Variants in COMMD1 observed in about 807,000 individuals in gnomAD.
COMMD1 encodes copper metabolism domain containing 1.
COMMD1 carries 10 observed loss-of-function variants against 17.2 expected under a neutral mutation model. That is an observed-to-expected ratio of 0.58 (90% confidence interval 0.36 to 0.99). The LOEUF (loss-of-function observed/expected upper bound fraction) is 0.99, where lower values mean the gene tolerates loss of function less well. Among genes scored for constraint, COMMD1 ranks in the 50% least tolerant of loss-of-function variants. The pLI is 0.01. For missense variants in COMMD1, 270 were observed against 231.8 expected, an observed-to-expected ratio of 1.17 and a Z score of -1.07; for synonymous variants, 97 against 91.6, an observed-to-expected ratio of 1.06 and a Z score of -0.34.
chr2:61,946,218 G>T (rs1224052861), intron 1 of COMMD1, among the ~76,000 whole-genome samples: 1 of 152,114 alleles, frequency 6.6e-6, no homozygotes, highest in Non-Finnish European at 1.5e-5. Flanking sequence ...AAATTAATCA[G>T]AGAGAAGTTC....
intron 2 of COMMD1, among the ~76,000 whole-genome samples, chr2:62,062,635 G>T (rs191367198): frequency 6.6e-6 from 1 of 151,830 alleles, no homozygotes. Flanking sequence ...TGAGACGAGT[G>T]AAAAAATAAA....
intron 2 of COMMD1, among the ~76,000 whole-genome samples, chr2:62,075,967 C>G (rs1048878079): frequency 6.6e-6 from 1 of 152,174 alleles, no homozygotes; most frequent in African/African-American, 2.4e-5. Flanking sequence ...GTTCCTAGAC[C>G]TTTTTCTCTG....
chr2:61,987,739 G>A (rs1672142454), intron 1 of COMMD1, among the ~76,000 whole-genome samples: 1 of 152,158 alleles, frequency 6.6e-6, no homozygotes, highest in African/African-American at 2.4e-5. Flanking sequence ...AGCCAGTCAG[G>A]CTTGTGACCT....
At chr2:62,000,299 G>T (rs1213409555) in intron 1 of COMMD1, among the ~76,000 whole-genome samples, 3 of 146,392 alleles carry the variant, frequency 2.0e-5, no homozygotes, top group African/African-American at 7.6e-5. Context: ...TTGAGACAGG[G>T]TCTCTCTCTG....
Position 61,963,438 on chromosome 2 carries a change from C to G in COMMD1, c.181-37263C>G, listed in dbSNP as rs145733010. ...ATGACACCATCTCGGCTCACTGCAA[C>G]CTGGGCCACCCCGGTTCAAACAATT... On this transcript the variant is annotated intron_variant, in intron 1 of 2. Transcript: ENST00000311832. Among the ~76,000 whole-genome samples, 1,189 of 152,104 alleles carry G rather than the reference C, an allele frequency of 7.8e-3. 19 individuals are homozygous for G. The highest frequency in any genetic ancestry group is 0.026 in the African/African-American group (1,077 of 41,496).
At position 62,067,603 on chromosome 2, in the gene COMMD1, C is replaced by T. The variant is rs150606928; in HGVS notation, c.462+66621C>T. Among the ~76,000 whole-genome samples the T allele has an allele frequency of 3.4e-3, 520 of 152,250 alleles. 1 individual carries two copies. The highest frequency in any genetic ancestry group is 5.2e-3 in the Non-Finnish European group (352 of 68,014). On this transcript the variant is annotated intron_variant, in intron 2 of 2. Transcript: ENST00000311832. ...TGAAGACACAGAGACCCAGGGAAAACTATTTTTTATGCCTAGTTTTGATGA... is the reference window on the plus strand; with the variant it reads ...TGAAGACACAGAGACCCAGGGAAAATTATTTTTTATGCCTAGTTTTGATGA...
chr2:62,084,127 G>A (rs1671596291), intron 2 of COMMD1, among the ~76,000 whole-genome samples: 1 of 152,100 alleles, frequency 6.6e-6, no homozygotes, highest in South Asian at 2.1e-4. Context: ...AGTCAGGGGA[G>A]CACATGGCTT....
intron 2 of COMMD1, among the ~76,000 whole-genome samples, chr2:62,041,596 G>T (rs1048646290): frequency 6.6e-6 from 1 of 152,082 alleles, no homozygotes; most frequent in Non-Finnish European, 1.5e-5. Context: ...TCACCATGTT[G>T]CCCAAGCTGG....
At chr2:61,927,452 G>GCAT (rs1670355693) in intron 1 of COMMD1, among the ~76,000 whole-genome samples, 1 of 152,010 alleles carries the variant, frequency 6.6e-6, no homozygotes, top group Non-Finnish European at 1.5e-5. Flanking sequence ...GAGTGCAGTG[G>GCAT]CGCGATGTCA....
intron 1 of COMMD1, among the ~76,000 whole-genome samples, chr2:61,945,978 A>G (rs996261641): frequency 1.3e-5 from 2 of 152,218 alleles, no homozygotes; most frequent in African/African-American, 4.8e-5. Flanking sequence ...TGTTGATGCT[A>G]GAGGGGTGTG....
chr2:62,009,302 A>G (rs1300744379), intron 2 of COMMD1, among the ~76,000 whole-genome samples: 1 of 152,126 alleles, frequency 6.6e-6, no homozygotes, highest in Non-Finnish European at 1.5e-5. Context: ...TAAAGTTTAT[A>G]AGAGAAAAAA....
chr2:61,905,678 C>G lies in COMMD1; in HGVS notation c.-1C>G. On this transcript the variant is annotated 5_prime_UTR_variant, in exon 1 of 3. Transcript: ENST00000311832. ...GTTGCGGGGCGGGGCCTTCGCAGAG[C>G]ATGGCGGCGGGCGAGCTTGAGGGTG... The G allele has an allele frequency of 6.4e-7, 1 of 1,555,956 alleles. No individual in the cohort carries two copies. The highest frequency in any genetic ancestry group is 8.7e-7 in the Non-Finnish European group (1 of 1,147,924).
chr2:61,995,750 C>T (rs1668739297), intron 1 of COMMD1, among the ~76,000 whole-genome samples: 1 of 152,178 alleles, frequency 6.6e-6, no homozygotes, highest in Non-Finnish European at 1.5e-5. Flanking sequence ...TCAGAAAAAT[C>T]AGTTGACTGC....
intron 1 of COMMD1, among the ~76,000 whole-genome samples, chr2:61,984,268 C>T (rs1009861900): frequency 1.3e-5 from 2 of 152,210 alleles, no homozygotes; most frequent in African/African-American, 4.8e-5. Flanking sequence ...TCAGGTGATC[C>T]ACCTGCCTTG....
chr2:61,968,403 G>A (rs1671560678), intron 1 of COMMD1, among the ~76,000 whole-genome samples: 1 of 152,110 alleles, frequency 6.6e-6, no homozygotes, highest in Non-Finnish European at 1.5e-5. Flanking sequence ...GGAAATTGAA[G>A]CCCAGAGAAT....
At chr2:62,035,761 AAAAAG>A (rs1389880668) in intron 2 of COMMD1, among the ~76,000 whole-genome samples, 1 of 148,934 alleles carries the variant, frequency 6.7e-6, no homozygotes, top group African/African-American at 2.5e-5. Flanking sequence ...AAAAAAAAAA[AAAAAG>A]CAGGGCTGGC....
At chr2:62,108,156 G>A (rs1158819440) in intron 2 of COMMD1, among the ~76,000 whole-genome samples, 3 of 152,010 alleles carry the variant, frequency 2.0e-5, no homozygotes, top group African/African-American at 7.3e-5. Context: ...AGTATACATT[G>A]GCATCACATA....
chr2:62,065,849 C>G (rs1671023891), intron 2 of COMMD1, among the ~76,000 whole-genome samples: 1 of 152,002 alleles, frequency 6.6e-6, no homozygotes, highest in Non-Finnish European at 1.5e-5. Context: ...AATTGGAAAC[C>G]TCTGTGATGA....
At chr2:62,085,221 A>ATTTTTTTTTT (rs36006181) in intron 2 of COMMD1, among the ~76,000 whole-genome samples, 9 of 144,456 alleles carry the variant, frequency 6.2e-5, no homozygotes, top group East Asian at 2.0e-4. Context: ...TACAGTTTGA[A>ATTTTTTTTTT]TTTTTTTTTT....
Sources: gnomAD v4.1 joint callset for allele counts (sites outside exome capture counted in the v4.1 genomes callset) on GRCh38, gnomAD v4.1.1 for gene constraint, MANE v1.5 for transcripts, NCBI Gene and HGNC (gene_info 2026-07-23, HGNC 2026-07-21) for gene names.